Variants in EYS observed in about 807,000 individuals in gnomAD.
The protein encoded by EYS is protein eyes shut homolog.
EYS carries 250 observed loss-of-function variants against 282.1 expected under a neutral mutation model. The observed-to-expected ratio is 0.89, with a 90% confidence interval of 0.80 to 0.98. EYS has a LOEUF of 0.98. EYS is among the 50% of genes least tolerant of loss of function. The probability of loss-of-function intolerance (pLI) is 0.00; values close to 1 mark genes in which losing one functional copy is unlikely to be tolerated. For missense variants in EYS, 4,016 were observed against 3,709.0 expected, an observed-to-expected ratio of 1.08 and a Z score of -2.15; for synonymous variants, 1,355 against 1,282.9, an observed-to-expected ratio of 1.06 and a Z score of -1.20.
chr6:64,261,946 G>GT (rs1404259034), intron 30 of EYS, among the ~76,000 whole-genome samples: 2 of 151,882 alleles, frequency 1.3e-5, no homozygotes, highest in Non-Finnish European at 2.9e-5. Flanking sequence ...TGTAGAGAAG[G>GT]TTTTTTGCCA....
At chr6:64,176,418 TA>T (rs1247851539) in intron 31 of EYS, among the ~76,000 whole-genome samples, 1 of 152,114 alleles carries the variant, frequency 6.6e-6, no homozygotes, top group Non-Finnish European at 1.5e-5. Flanking sequence ...TATGATTCTT[TA>T]AGATAAAAAA....
At chr6:65,159,872 G>C (rs1277746470) in intron 12 of EYS, among the ~76,000 whole-genome samples, 1 of 150,962 alleles carries the variant, frequency 6.6e-6, no homozygotes. Context: ...GTTGGAGAGA[G>C]AGAAGAGAGG....
At chr6:65,085,742 C>T (rs1024518246) in intron 12 of EYS, among the ~76,000 whole-genome samples, 1 of 152,072 alleles carries the variant, frequency 6.6e-6, no homozygotes, top group African/African-American at 2.4e-5. Flanking sequence ...ATCCATCTGC[C>T]TTTCCAGGTC....
chr6:65,361,699 T>G (rs1764715865), intron 8 of EYS, among the ~76,000 whole-genome samples: 1 of 152,076 alleles, frequency 6.6e-6, no homozygotes. Flanking sequence ...CAGGTTGGTC[T>G]CCAGCTCATG....
Position 64,946,776 on chromosome 6 carries a change from A to G in EYS, c.2260-862T>C, listed in dbSNP as rs190689253. Among the ~76,000 whole-genome samples the G allele has an allele frequency of 5.3e-3, 800 of 152,120 alleles. 10 individuals carry two copies. The South Asian group carries it at 0.06, about 11-fold the overall frequency. On this transcript the variant is annotated intron_variant, in intron 14 of 42. Coordinates refer to ENST00000503581, the MANE Select transcript of EYS (RefSeq NM_001142800.2). The stretch of plus-strand genomic sequence containing the variant: ...ACATATTGAATGTTGAAAAGTTAGT[A>G]TTAAAAAAGGAATGCCAAGTATCTC...
At chr6:65,288,103 T>C (rs1350115061) in intron 12 of EYS, among the ~76,000 whole-genome samples, 3 of 151,184 alleles carry the variant, frequency 2.0e-5, no homozygotes, top group African/African-American at 4.8e-5. Flanking sequence ...AATAATTATC[T>C]TGAAATATTG....
chr6:65,206,986 A>C (rs1441498654), intron 12 of EYS, among the ~76,000 whole-genome samples: 1 of 151,866 alleles, frequency 6.6e-6, no homozygotes, highest in East Asian at 1.9e-4. Flanking sequence ...GTTCCCTCTC[A>C]AAAATACTAT....
chr6:64,196,225 A>T (rs1222784932), intron 31 of EYS, among the ~76,000 whole-genome samples: 1 of 152,242 alleles, frequency 6.6e-6, no homozygotes, highest in Non-Finnish European at 1.5e-5. Flanking sequence ...AATGGCAATC[A>T]TTAAAAAGTC....
chr6:64,591,009 A>T lies in EYS; in HGVS notation c.4858T>A (p.Ser1620Thr), dbSNP rs1180446661. 1 of 1,551,342 alleles carries T rather than the reference A, an allele frequency of 6.4e-7. No homozygotes were observed. The highest frequency in any genetic ancestry group is 2.4e-5 in the East Asian group (1 of 40,898). The change falls in exon 26 of 43, where the codon TCA (serine) becomes ACA (threonine). Residue 1620 changes from serine (S) to threonine (T), a missense_variant. Ser to Thr is a moderately conservative substitution (Grantham distance 58). Transcript: ENST00000503581. ...SFSSATEITP[S>T]VAFTEVPSLF... ...GATGGCACTTCTGTGAATGCCACTG[A>T]TGGTGTTATTTCAGTAGCAGAAGAA...
intron 31 of EYS, among the ~76,000 whole-genome samples, chr6:64,132,023 A>T (rs551063195): frequency 4.6e-5 from 7 of 152,264 alleles, no homozygotes; most frequent in Admixed American, 2.0e-4. Flanking sequence ...TTATAGACTA[A>T]AACTTTTCAG....
At chr6:64,724,358 A>G (rs1178022156) in intron 22 of EYS, among the ~76,000 whole-genome samples, 2 of 152,158 alleles carry the variant, frequency 1.3e-5, no homozygotes, top group African/African-American at 4.8e-5. Context: ...CTGTAAAAGA[A>G]ACTGCTTTGG....
At chr6:65,667,871 G>A (rs1240876506) in intron 1 of EYS, among the ~76,000 whole-genome samples, 1 of 151,858 alleles carries the variant, frequency 6.6e-6, no homozygotes, top group Non-Finnish European at 1.5e-5. Context: ...AGATGCTGAT[G>A]TTCAAACAGA....
chr6:63,782,110 A>G (rs982515347), intron 39 of EYS, among the ~76,000 whole-genome samples: 6 of 152,202 alleles, frequency 3.9e-5, no homozygotes, highest in Admixed American at 6.5e-5. Flanking sequence ...CAACTTGATC[A>G]TGGTGGATAA....
intron 11 of EYS, among the ~76,000 whole-genome samples, chr6:65,329,021 G>C (rs1260908609): frequency 6.6e-6 from 1 of 150,912 alleles, no homozygotes; most frequent in Non-Finnish European, 1.5e-5. Context: ...ATGCTAAAAG[G>C]TTATACCTAT....
intron 31 of EYS, among the ~76,000 whole-genome samples, chr6:64,218,754 T>C (rs1020666225): frequency 1.3e-5 from 2 of 152,072 alleles, no homozygotes; most frequent in African/African-American, 4.8e-5. Context: ...TTGAAAGCAG[T>C]TGGACAGCTG....
intron 18 of EYS, among the ~76,000 whole-genome samples, chr6:64,890,045 G>C (rs1767229741): frequency 7.1e-6 from 1 of 140,554 alleles, no homozygotes; most frequent in African/African-American, 2.9e-5. Flanking sequence ...GCCTATAAAT[G>C]CCCCCCCCCC....
In EYS at chr6:64,230,731, G is replaced by A. The variant is rs1766402537; in HGVS notation, c.6285C>T (p.Pro2095=). The A allele has an allele frequency of 2.6e-6, 4 of 1,551,484 alleles. No homozygotes were observed. The African/African-American group carries it at 4.1e-5, about 16-fold the overall frequency. ...GVDTMWTSVS[P]SVAAPSVCQQ... ...GGCACACAGAGGGTGCTGCAACAGA[G>A]GGGCTGACAGAAGTCCACATGGTAT... The change falls in exon 31 of 43, where the codon CCC becomes CCT. Residue 2095 remains proline (P), a synonymous_variant. Coordinates refer to ENST00000503581, the MANE Select transcript of EYS (RefSeq NM_001142800.2).
intron 30 of EYS, among the ~76,000 whole-genome samples, chr6:64,270,302 A>T (rs1199233959): frequency 1.3e-5 from 2 of 151,950 alleles, no homozygotes; most frequent in African/African-American, 4.8e-5. Context: ...CATGGTGTAT[A>T]TACTTATATA....
chr6:63,978,982 T>A (rs1766969500), intron 35 of EYS, among the ~76,000 whole-genome samples: 1 of 151,978 alleles, frequency 6.6e-6, no homozygotes, highest in Admixed American at 6.6e-5. Flanking sequence ...ATAATGATAA[T>A]TTCTGAATGC....
Sources: gnomAD v4.1 joint callset for allele counts (sites outside exome capture counted in the v4.1 genomes callset) on GRCh38, gnomAD v4.1.1 for gene constraint, MANE v1.5 for transcripts, NCBI Gene and HGNC (gene_info 2026-07-23, HGNC 2026-07-21) for gene names.